Variants in LARP1 observed in about 807,000 individuals in gnomAD.
LARP1 encodes La ribonucleoprotein 1, translational regulator, also known as la-related protein 1.
Under a neutral mutation model 122.7 loss-of-function variants are expected in LARP1, and 36 were observed. That is an observed-to-expected ratio of 0.29 (90% confidence interval 0.22 to 0.39). The LOEUF (loss-of-function observed/expected upper bound fraction) is 0.39, where lower values mean the gene tolerates loss of function less well. Ranked by LOEUF, LARP1 falls within the 10% of genes least tolerant of loss-of-function variation. LARP1 has a pLI of 1.00. For synonymous variants in LARP1, 539 were observed against 528.7 expected (o/e 1.02, Z -0.27); for missense variants, 1,040 against 1,403.6 (o/e 0.74, Z 4.14).
intron 7 of LARP1, among the ~76,000 whole-genome samples, chr5:154,794,719 T>G (rs1757609538): frequency 1.3e-5 from 2 of 152,230 alleles, no homozygotes; most frequent in South Asian, 4.1e-4. Flanking sequence ...TTGCACAGAA[T>G]CTCACAGCTA....
chr5:154,799,565 C>G, intron 8 of LARP1, 26 bp from the exon 9 acceptor site: 1 of 1,610,234 alleles, frequency 6.2e-7, no homozygotes, highest in South Asian at 1.1e-5. Context: ...TCTTCTTAAT[C>G]CCCTCTTCCT....
intron 1 of LARP1, among the ~76,000 whole-genome samples, chr5:154,741,359 G>A (rs564600311): frequency 1.2e-3 from 179 of 152,304 alleles, no homozygotes; most frequent in African/African-American, 4.1e-3. Flanking sequence ...GCCTACTGAG[G>A]GATACTAAAG....
chr5:154,745,041 C>T (rs965744755), intron 1 of LARP1, among the ~76,000 whole-genome samples: 8 of 152,144 alleles, frequency 5.3e-5, no homozygotes, highest in African/African-American at 1.9e-4. Context: ...ATCTTCCTGC[C>T]TCAGCCTCCC....
intron 15 of LARP1, among the ~76,000 whole-genome samples, chr5:154,807,373 G>C (rs548279094): frequency 2.6e-4 from 40 of 152,246 alleles, no homozygotes; most frequent in African/African-American, 8.7e-4. Flanking sequence ...GGGTCATGGG[G>C]TAACCATGTT....
intron 10 of LARP1, among the ~76,000 whole-genome samples, chr5:154,800,765 T>A (rs1360961560): frequency 6.6e-6 from 1 of 152,190 alleles, no homozygotes; most frequent in Non-Finnish European, 1.5e-5. Context: ...GTGAGGAGAC[T>A]GCAGAATTGA....
chr5:154,729,697 G>A (rs1469697661), intron 1 of LARP1: 9 of 318,960 alleles, frequency 2.8e-5, no homozygotes, highest in South Asian at 9.1e-5. Context: ...TGGCATAATA[G>A]GTATTTAAAA....
At chr5:154,767,217 C>T (rs1561581429) in intron 1 of LARP1, among the ~76,000 whole-genome samples, 1 of 152,274 alleles carries the variant, frequency 6.6e-6, no homozygotes, top group East Asian at 1.9e-4. Flanking sequence ...GGAGTGCCCA[C>T]GTACTAGGAT....
chr5:154,713,740 C>T (rs2113303038), intron 1 of LARP1, among the ~76,000 whole-genome samples: 1 of 152,354 alleles, frequency 6.6e-6, no homozygotes, highest in South Asian at 2.1e-4. Context: ...CTGCCTCACA[C>T]ACAGGGTTCA....
chr5:154,736,525 GC>G (rs1327541596), intron 1 of LARP1, among the ~76,000 whole-genome samples: 1 of 145,326 alleles, frequency 6.9e-6, no homozygotes, highest in East Asian at 2.0e-4. Context: ...GCCACACCCT[GC>G]CTGGCCTATT....
At position 154,755,501 on chromosome 5, in the gene LARP1, G is replaced by T; in HGVS notation, c.-257G>T. 2.1e-6 allele frequency: 2 copies of T among 965,244 alleles called. No individual in the cohort carries two copies. The highest frequency in any genetic ancestry group is 2.5e-6 in the Non-Finnish European group (2 of 809,992). The allele number at this position is 965,244 out of a possible 1,614,324, so 59.8% of individuals were successfully genotyped here. A position where few individuals can be genotyped will look rare whatever the true frequency, so the allele number is the denominator to read the frequency against. ...GGCGTCTTGCGAGGAACGGGCGGGG[G>T]GGGACGCACGCCTAGGAGGCCTGGA... On this transcript the variant is annotated 5_prime_UTR_variant, in exon 1 of 19. Coordinates refer to ENST00000518297, the MANE Select transcript of LARP1 (RefSeq NM_033551.3).
chr5:154,716,196 T>G (rs1482149575), intron 1 of LARP1, among the ~76,000 whole-genome samples: 1 of 152,134 alleles, frequency 6.6e-6, no homozygotes, highest in Non-Finnish European at 1.5e-5. Flanking sequence ...CTCAGCCCCC[T>G]GCACCCTCTG....
At position 154,799,656 on chromosome 5, in the gene LARP1, A is replaced by C. The variant is rs1452334518; in HGVS notation, c.1443A>C (p.Glu481Asp). The C allele has an allele frequency of 1.2e-6, 2 of 1,614,222 alleles. No individual in the cohort carries two copies. The highest frequency in any genetic ancestry group is 2.2e-5 in the South Asian group (2 of 91,080). ...AAGTTCGTAGGAGGGAGGAACCAGAAAAGTGGCCTCTTCCCCCAATAGTGG... is the reference window on the plus strand; with the variant it reads ...AAGTTCGTAGGAGGGAGGAACCAGACAAGTGGCCTCTTCCCCCAATAGTGG... ...DEKVRRREEP[E>D]KWPLPPIVDY... The change falls in exon 9 of 19, where the codon GAA (glutamate) becomes GAC (aspartate). Residue 481 changes from glutamate to aspartate, a missense_variant. Coordinates refer to ENST00000518297, the MANE Select transcript of LARP1 (RefSeq NM_033551.3).
Position 154,817,556 on chromosome 5 carries a change from T to C in LARP1, c.*3460T>C, listed in dbSNP as rs578045217. 3.3e-5 allele frequency: 5 copies of C among 152,792 alleles called. No homozygotes were observed. In the South Asian group the frequency reaches 8.3e-4, roughly 25 times the overall value. The allele number at this position is 152,792 out of a possible 1,614,324, so 9.5% of individuals were successfully genotyped here. ...TTGTAATTTGTGGTAATTATGCTTT[T>C]CTTTTTAATACAAAAAAATGTATAA... is the stretch of plus-strand genomic sequence containing the variant. On this transcript the variant is annotated 3_prime_UTR_variant, in exon 19 of 19. Coordinates refer to ENST00000518297, the MANE Select transcript of LARP1 (RefSeq NM_033551.3).
rs1466294545 is a variant in LARP1, at chr5:154,755,753, C to T, written c.-5C>T. 5.1e-6 allele frequency: 5 copies of T among 987,028 alleles called. No homozygotes were observed. The highest frequency in any genetic ancestry group is 6.0e-6 in the Non-Finnish European group (5 of 830,416). 61.1% of individuals were successfully genotyped at this position (987,028 alleles called of 1,614,324 possible). A position where few individuals can be genotyped will look rare whatever the true frequency, so the allele number is the denominator to read the frequency against. The stretch of plus-strand genomic sequence containing the variant: ...CCCGGCTTCTCCGGGGGGGCGGGCG[C>T]GCAGATGGCCACTCAGGTGGAGCCG... On this transcript the variant is annotated 5_prime_UTR_variant, in exon 1 of 19. Transcript: ENST00000518297.
chr5:154,756,968 A>G (rs1011323216), intron 1 of LARP1, among the ~76,000 whole-genome samples: 1 of 143,168 alleles, frequency 7.0e-6, no homozygotes, highest in African/African-American at 2.6e-5. Flanking sequence ...CGGGGGAGGG[A>G]GTGGCCGGCC....
chr5:154,736,826 A>G (rs983430343), intron 1 of LARP1, among the ~76,000 whole-genome samples: 1 of 151,964 alleles, frequency 6.6e-6, no homozygotes, highest in African/African-American at 2.4e-5. Context: ...TCAGCCTCCC[A>G]AAGTGCTGGG....
intron 1 of LARP1, among the ~76,000 whole-genome samples, chr5:154,686,039 A>G (rs1032403570): frequency 1.3e-5 from 2 of 152,172 alleles, no homozygotes; most frequent in Non-Finnish European, 2.9e-5. Flanking sequence ...TTTATTTAAA[A>G]TCTGCCCCCT....
chr5:154,732,326 C>G, intron 1 of LARP1, among the ~76,000 whole-genome samples: 1 of 152,096 alleles, frequency 6.6e-6, no homozygotes, highest in Non-Finnish European at 1.5e-5. Context: ...GTATTACCAG[C>G]TCTGTAATTT....
In LARP1 at chr5:154,793,882, C is replaced by T. The variant is rs12659533; in HGVS notation, c.951C>T (p.His317=). Residue 317 remains histidine (H), a synonymous_variant, in exon 6 of 19, where the codon CAC becomes CAT. Coordinates refer to ENST00000518297, the MANE Select transcript of LARP1 (RefSeq NM_033551.3). ...AGATCAAACCGGAGCCTGCCTGGCA[C>T]GACCAGGATGAGACATCGAGTGTGA... ...QPEIKPEPAW[H]DQDETSSVKS... is the part of the protein sequence containing the mutation. 53 of 1,614,162 alleles carry T rather than the reference C, an allele frequency of 3.3e-5. No homozygotes were observed. Among genetic ancestry groups the T allele is most frequent in the East Asian group, 1.1e-4 (5 of 44,870 alleles).
Sources: gnomAD v4.1 joint callset for allele counts (sites outside exome capture counted in the v4.1 genomes callset) on GRCh38, gnomAD v4.1.1 for gene constraint, MANE v1.5 for transcripts, NCBI Gene and HGNC (gene_info 2026-07-23, HGNC 2026-07-21) for gene names.